NEK6: variants seen among roughly 807,000 people sequenced by gnomAD.
NEK6 encodes serine/threonine-protein kinase Nek6.
In NEK6, 27 loss-of-function variants were observed where a neutral mutation model predicts 43.5. The ratio of observed to expected loss-of-function variants is 0.62; its 90% CI spans 0.46 to 0.86. The LOEUF (loss-of-function observed/expected upper bound fraction) is 0.86, where lower values mean the gene tolerates loss of function less well. Ranked by LOEUF, NEK6 falls within the 40% of genes least tolerant of loss-of-function variation. The pLI, the probability that NEK6 is intolerant of heterozygous loss-of-function variation, is 0.00. For synonymous variants in NEK6, 167 were observed against 164.1 expected, an observed-to-expected ratio of 1.02 and a Z score of -0.14; for missense variants, 318 against 414.4, an observed-to-expected ratio of 0.77 and a Z score of 2.02.
intron 7 of NEK6, among the ~76,000 whole-genome samples, chr9:124,333,847 G>A (rs564650591): frequency 1.2e-4 from 18 of 145,848 alleles, no homozygotes; most frequent in African/African-American, 4.1e-4. Context: ...GTGCGATCTC[G>A]GCTCACTACA....
chr9:124,344,813 G>A (rs139638773), intron 8 of NEK6, among the ~76,000 whole-genome samples: 15 of 152,364 alleles, frequency 9.8e-5, no homozygotes, highest in East Asian at 1.9e-4. Context: ...GCGAGACAGC[G>A]GACTCAAGGG....
At chr9:124,313,837 G>A in intron 3 of NEK6, 86 bp from the exon 4 acceptor site, 1 of 1,368,372 alleles carries the variant, frequency 7.3e-7, no homozygotes, top group Non-Finnish European at 1.0e-6. Flanking sequence ...GGGAGAGCCG[G>A]GACTGGAAAG....
In NEK6 at chr9:124,343,261, G is replaced by A. The variant is rs185013208; in HGVS notation, c.717+3596G>A. Reference sequence around the variant, plus strand: ...TGAGGGGACGGATCGCAGCCGGGGGGTGGTACGGGGGATGGATCGCAGCTG... The same window carrying A: ...TGAGGGGACGGATCGCAGCCGGGGGATGGTACGGGGGATGGATCGCAGCTG... On this transcript the variant is annotated intron_variant, in intron 8 of 9. Transcript: ENST00000320246. This position sits in a 1 kb window ranked among gnomAD's most constrained non-coding sequence, Gnocchi z 5.1. Among the ~76,000 whole-genome samples, 1,169 of 148,752 alleles carry A rather than the reference G, an allele frequency of 7.9e-3. 19 individuals are homozygous for A. Among genetic ancestry groups the A allele is most frequent in the African/African-American group, 0.027 (1,100 of 40,218 alleles).
At chr9:124,271,229 G>A (rs1188689867) in intron 1 of NEK6, among the ~76,000 whole-genome samples, 2 of 152,170 alleles carry the variant, frequency 1.3e-5, no homozygotes, top group East Asian at 1.9e-4. Flanking sequence ...TCTGACTTCC[G>A]CTCCTTGAGT....
intron 7 of NEK6, among the ~76,000 whole-genome samples, chr9:124,337,670 T>C (rs1033596521): frequency 6.6e-5 from 10 of 152,252 alleles, no homozygotes; most frequent in Non-Finnish European, 1.3e-4. Flanking sequence ...AACATTTGTT[T>C]CCAGTTTTTG....
chr9:124,346,684 G>C (rs1829945015), intron 8 of NEK6, among the ~76,000 whole-genome samples: 1 of 152,172 alleles, frequency 6.6e-6, no homozygotes, highest in Admixed American at 6.5e-5. Flanking sequence ...GCCACGCTGG[G>C]CTGCTGCGCC....
rs768356782 is a variant in NEK6 at position 124,327,406 on chromosome 9, C to T, written c.583C>T (p.Arg195Cys). ...GAAGCTCGGTGACCTTGGTCTGGGC[C>T]GCTTCTTCAGCTCTGAGACCACCGC... ...VVKLGDLGLG[R>C]FFSSETTAAH... is the part of the protein sequence containing the mutation. The change falls in exon 7 of 10, where the codon CGC (arginine) becomes TGC (cysteine). Residue 195 changes from arginine to cysteine, a missense_variant. Transcript: ENST00000320246. 3.7e-6 allele frequency: 6 copies of T among 1,613,472 alleles called. No homozygotes were observed. The highest frequency in any genetic ancestry group is 4.2e-6 in the Non-Finnish European group (5 of 1,179,992).
intron 8 of NEK6, among the ~76,000 whole-genome samples, chr9:124,344,481 A>C (rs1267388225): frequency 6.6e-6 from 1 of 152,164 alleles, no homozygotes; most frequent in Non-Finnish European, 1.5e-5. Context: ...GAGTGTCTTG[A>C]AGAGGCTGGA....
intron 2 of NEK6, among the ~76,000 whole-genome samples, chr9:124,303,824 C>A (rs1833118056): frequency 6.6e-6 from 1 of 152,324 alleles, no homozygotes; most frequent in South Asian, 2.1e-4. Flanking sequence ...CATATTAAGT[C>A]ATTCACTAAC....
At chr9:124,339,698 G>C in intron 8 of NEK6, 33 bp downstream of exon 8, 1 of 1,512,830 alleles carries the variant, frequency 6.6e-7, no homozygotes, top group Non-Finnish European at 9.2e-7. Context: ...GCAGCATTTG[G>C]TGGGACATGC....
rs898038577 is a variant in NEK6 at position 124,275,961 on chromosome 9, C to T, written c.-30+17876C>T. ...GTGCCTGCTGCGGTGATCCTTTAAA[C>T]GACAGTTAGGTTTGATCCTGCGGGA... On this transcript the variant is annotated intron_variant, in intron 1 of 9. Coordinates refer to ENST00000320246, the MANE Select transcript of NEK6 (RefSeq NM_014397.6). This position sits in a 1 kb window ranked among gnomAD's most constrained non-coding sequence, Gnocchi z 4.4. Among the ~76,000 whole-genome samples the T allele has an allele frequency of 3.3e-5, 5 of 152,174 alleles. No homozygotes were observed. The highest frequency in any genetic ancestry group is 6.5e-5 in the Admixed American group (1 of 15,280).
intron 5 of NEK6, among the ~76,000 whole-genome samples, chr9:124,323,886 T>C (rs1241441776): frequency 6.6e-6 from 1 of 152,174 alleles, no homozygotes; most frequent in Non-Finnish European, 1.5e-5. Context: ...GAGCCAACAC[T>C]GGCTCAGGGT....
At chr9:124,258,261 GCGGC>G in intron 1 of NEK6, 176 bp downstream of exon 1, 2 of 984,354 alleles carry the variant, frequency 2.0e-6, no homozygotes, top group Non-Finnish European at 2.4e-6. Context: ...GAGCGTGTCG[GCGGC>G]CGGGCGGGCG....
At chr9:124,340,498 C>CT (rs944481987) in intron 8 of NEK6, among the ~76,000 whole-genome samples, 2 of 152,208 alleles carry the variant, frequency 1.3e-5, no homozygotes, top group African/African-American at 2.4e-5. Context: ...CCCTCCGCAT[C>CT]TATAAGATGG....
At chr9:124,263,011 TA>T (rs1442162089) in intron 1 of NEK6, 1 of 152,226 alleles carries the variant, frequency 6.6e-6, no homozygotes, top group Non-Finnish European at 1.5e-5. Flanking sequence ...GGCGCGTTCT[TA>T]CTGCAGGTGA....
At chr9:124,298,881 CA>C (rs1832825454) in intron 1 of NEK6, among the ~76,000 whole-genome samples, 1 of 152,150 alleles carries the variant, frequency 6.6e-6, no homozygotes, top group South Asian at 2.1e-4. Flanking sequence ...CCAGCATGAT[CA>C]GGGCCCTGCA....
At chr9:124,297,637 C>T (rs1302447323) in intron 1 of NEK6, among the ~76,000 whole-genome samples, 3 of 152,222 alleles carry the variant, frequency 2.0e-5, no homozygotes, top group African/African-American at 7.2e-5. Flanking sequence ...GAAAAGCCCT[C>T]TTTGAGGTGG....
At chr9:124,261,319 T>C in intron 1 of NEK6, 1 of 831,310 alleles carries the variant, frequency 1.2e-6, no homozygotes, top group Non-Finnish European at 1.5e-6. Flanking sequence ...ATACTTTTCA[T>C]AAGGGAAGTG....
At position 124,287,329 on chromosome 9, in the gene NEK6, G is replaced by A. The variant is rs148448226; in HGVS notation, c.-29-14607G>A. On this transcript the variant is annotated intron_variant, in intron 1 of 9. Coordinates refer to ENST00000320246, the MANE Select transcript of NEK6 (RefSeq NM_014397.6). ...GAATTCAGAGATGGGTGCCAAGGTG[G>A]GCCTGGAGCACGACGTAGGCAGACA... Among the ~76,000 whole-genome samples the A allele has an allele frequency of 1.1e-3, 169 of 152,332 alleles. 1 individual carries two copies. The East Asian group carries it at 0.029, about 26-fold the overall frequency.
Sources: allele counts gnomAD v4.1 joint callset (sites outside exome capture counted in the v4.1 genomes callset), GRCh38; gene constraint gnomAD v4.1.1; non-coding constraint Gnocchi (gnomAD v3.1); transcripts MANE v1.5; gene names NCBI Gene and HGNC (gene_info 2026-07-23, HGNC 2026-07-21).